PDXK: variants seen among roughly 807,000 people sequenced by gnomAD.
The protein encoded by PDXK is pyridoxal kinase.
PDXK carries 15 observed loss-of-function variants against 43.2 expected under a neutral mutation model. The ratio of observed to expected loss-of-function variants is 0.35; its 90% CI spans 0.23 to 0.53. The LOEUF (loss-of-function observed/expected upper bound fraction) is 0.53. Among genes scored for constraint, PDXK ranks in the 20% least tolerant of loss-of-function variants. PDXK has a pLI of 0.92. For missense variants in PDXK, 343 were observed against 417.0 expected (o/e 0.82, Z 1.54); for synonymous variants, 172 against 165.4 (o/e 1.04, Z -0.31).
At position 43,743,801 on chromosome 21, in the gene PDXK, G is replaced by A. The variant is rs1407620339; in HGVS notation, c.325G>A (p.Val109Met). The change falls in exon 4 of 11, where the codon GTG becomes ATG. Residue 109 changes from valine to methionine, a missense_variant. Physicochemically the swap from Val to Met is conservative, Grantham distance 21. Transcript: ENST00000291565. ...GCTGAAGCAGCAGAACCCCAGGCTG[G>A]TGTACGGTAGGCAGGGGCCCACCCT... ...QELKQQNPRL[V>M]YVCDPVLGDK... 1 of 1,611,910 alleles carries A rather than the reference G, an allele frequency of 6.2e-7. No homozygotes were observed. Among genetic ancestry groups the A allele is most frequent in the Non-Finnish European group, 8.5e-7 (1 of 1,178,232 alleles).
At position 43,725,887 on chromosome 21, in the gene PDXK, G is replaced by A. The variant is rs77420986; in HGVS notation, c.87+6506G>A. Among the ~76,000 whole-genome samples the A allele has an allele frequency of 7.9e-5, 12 of 152,252 alleles. No individual in the cohort carries two copies. In the East Asian group the frequency reaches 1.5e-3, roughly 20 times the overall value. On this transcript the variant is annotated intron_variant, in intron 1 of 10. Coordinates refer to ENST00000291565, the MANE Select transcript of PDXK (RefSeq NM_003681.5). ...GCCTCCTTCCTTCCTCCGGTGGCCC[G>A]CACTAACTTCCTTAGAGGTGATGCT...
At chr21:43,726,270 C>CTT (rs1182376121) in intron 1 of PDXK, among the ~76,000 whole-genome samples, 1,656 of 116,800 alleles carry the variant, frequency 0.014, 103 homozygotes, top group African/African-American at 0.048. Flanking sequence ...TTTTCTTTTT[C>CTT]TTTTTTTTTT....
At position 43,732,385 on chromosome 21, in the gene PDXK, G is replaced by A; in HGVS notation, c.88-1684G>A. ...TCTGGCACATGAAGTTGGATGGGTA[G>A]ACTCTGGAAGCGTCCAGACCAGCTT... On this transcript the variant is annotated intron_variant, in intron 1 of 10. Coordinates refer to ENST00000291565, the MANE Select transcript of PDXK (RefSeq NM_003681.5). The surrounding 1 kb of genome is among the most constrained non-coding windows in gnomAD (Gnocchi z 4.1). 1.2e-6 allele frequency: 2 copies of A among 1,612,520 alleles called. No homozygotes were observed. The highest frequency in any genetic ancestry group is 1.7e-6 in the Non-Finnish European group (2 of 1,179,574).
chr21:43,748,095 A>C lies in PDXK; in HGVS notation c.379-900A>C, dbSNP rs115077629. Among the ~76,000 whole-genome samples the C allele has an allele frequency of 2.0e-3, 305 of 152,180 alleles. 3 individuals carry two copies. Among genetic ancestry groups the C allele is most frequent in the African/African-American group, 7.1e-3 (294 of 41,514 alleles). ...GCAAAGTGAAGTGAAGGGATTGGAAACTCAGGCCACTCAGCCAGCAGGGGC... is the reference window on the plus strand; with the variant it reads ...GCAAAGTGAAGTGAAGGGATTGGAACCTCAGGCCACTCAGCCAGCAGGGGC... On this transcript the variant is annotated intron_variant, in intron 5 of 10. Transcript: ENST00000291565.
intron 1 of PDXK, among the ~76,000 whole-genome samples, chr21:43,733,217 A>AAAT (rs2083343603): frequency 6.6e-6 from 1 of 150,892 alleles, no homozygotes; most frequent in African/African-American, 2.4e-5. Flanking sequence ...GTGAAGAAAC[A>AAAT]AATGTGGGAA....
intron 1 of PDXK, chr21:43,719,963 T>G (rs529220746): frequency 1.0e-6 from 1 of 975,620 alleles, no homozygotes; most frequent in African/African-American, 1.8e-5. Context: ...GGGAAGAGGG[T>G]GGGGCAGGGG....
At chr21:43,750,416 G>A (rs919242239) in intron 6 of PDXK, 84 bp from the exon 7 acceptor site, 24 of 1,236,800 alleles carry the variant, frequency 1.9e-5, no homozygotes, top group Middle Eastern at 1.9e-4. Flanking sequence ...TTCCAGAGCC[G>A]CTGCGGTTTG....
chr21:43,728,689 C>G, intron 1 of PDXK: 1 of 984,256 alleles, frequency 1.0e-6, no homozygotes, highest in Non-Finnish European at 1.2e-6. Context: ...CAGCCACTCC[C>G]GCACGTGGGC....
At position 43,732,646 on chromosome 21, in the gene PDXK, C is replaced by T. The variant is rs565489332; in HGVS notation, c.88-1423C>T. The stretch of plus-strand genomic sequence containing the variant: ...TGCTTAATATCTGTTTCTTCACAGT[C>T]GGTTAGAATTTTAAAGGATTTGAAA... On this transcript the variant is annotated intron_variant, in intron 1 of 10. Coordinates refer to ENST00000291565, the MANE Select transcript of PDXK (RefSeq NM_003681.5). This position sits in a 1 kb window ranked among gnomAD's most constrained non-coding sequence, Gnocchi z 4.1. 8 of 780,290 alleles carry T rather than the reference C, an allele frequency of 1.0e-5. No homozygotes were observed. The highest frequency in any genetic ancestry group is 4.0e-5 in the South Asian group (3 of 74,562). 48.3% of individuals were successfully genotyped at this position (780,290 alleles called of 1,614,324 possible).
intron 9 of PDXK, 67 bp downstream of exon 9, chr21:43,753,786 G>C (rs1212781581): frequency 1.3e-6 from 2 of 1,508,574 alleles, no homozygotes; most frequent in Non-Finnish European, 1.8e-6. Flanking sequence ...CAGGATATGA[G>C]AGTCCTGGTG....
intron 2 of PDXK, among the ~76,000 whole-genome samples, chr21:43,740,642 C>T (rs951422205): frequency 3.3e-5 from 5 of 151,850 alleles, no homozygotes; most frequent in East Asian, 1.9e-4. Flanking sequence ...CTGGTGGTCC[C>T]GCCTGCAGGA....
At chr21:43,728,605 C>A (rs1217222854) in intron 1 of PDXK, 3 of 533,728 alleles carry the variant, frequency 5.6e-6, no homozygotes, top group Non-Finnish European at 7.2e-6. Flanking sequence ...GGCTGTCTGC[C>A]TGTCTGCCTC....
chr21:43,746,156 TGTG>T (rs751991112), intron 5 of PDXK, 31 bp downstream of exon 5: 2 of 1,568,836 alleles, frequency 1.3e-6, no homozygotes, highest in African/African-American at 2.7e-5. Flanking sequence ...GATTTAAAAG[TGTG>T]GTGAGTGGAG....
chr21:43,729,825 T>C (rs749368033), intron 1 of PDXK, among the ~76,000 whole-genome samples: 71 of 151,876 alleles, frequency 4.7e-4, no homozygotes, highest in Non-Finnish European at 7.2e-4. Context: ...ATGCCTGTAG[T>C]CCCAGCTACT....
intron 5 of PDXK, among the ~76,000 whole-genome samples, chr21:43,747,694 C>T (rs913851807): frequency 2.0e-5 from 3 of 152,194 alleles, no homozygotes; most frequent in Admixed American, 6.5e-5. Flanking sequence ...GTTTGGATCA[C>T]GAAGAGTTGG....
chr21:43,724,106 G>C (rs1200906197), intron 1 of PDXK, among the ~76,000 whole-genome samples: 1 of 152,244 alleles, frequency 6.6e-6, no homozygotes, highest in Non-Finnish European at 1.5e-5. Flanking sequence ...TCTGGGGCCT[G>C]CAGGCAGCCG....
At position 43,741,660 on chromosome 21, in the gene PDXK, C is replaced by A; in HGVS notation, c.143-7C>A. 1 of 1,610,260 alleles carries A rather than the reference C, an allele frequency of 6.2e-7. No individual in the cohort carries two copies. Among genetic ancestry groups the A allele is most frequent in the Non-Finnish European group, 8.5e-7 (1 of 1,176,914 alleles). On this transcript the variant is annotated splice_polypyrimidine_tract_variant and splice_region_variant and intron_variant, in intron 2 of 10. Transcript: ENST00000291565. ...GTCTGAGCCCCCATGGCTTCCTCTG[C>A]CTCTAGGCTATGCCCACTGGAAGGG...
chr21:43,736,251 G>A (rs572389633), intron 2 of PDXK, among the ~76,000 whole-genome samples: 6 of 152,276 alleles, frequency 3.9e-5, no homozygotes, highest in Admixed American at 2.6e-4. Context: ...CTGCATGCAC[G>A]ACGGGCCTCC....
chr21:43,742,703 C>T (rs781551590), intron 3 of PDXK, among the ~76,000 whole-genome samples: 6 of 152,024 alleles, frequency 3.9e-5, no homozygotes, highest in African/African-American at 9.7e-5. Flanking sequence ...ATAGTGAGAC[C>T]TTGTCTCTAC....
Sources: gnomAD v4.1 joint callset for allele counts (sites outside exome capture counted in the v4.1 genomes callset) on GRCh38, gnomAD v4.1.1 for gene constraint, Gnocchi (gnomAD v3.1) non-coding constraint, MANE v1.5 for transcripts, NCBI Gene and HGNC (gene_info 2026-07-23, HGNC 2026-07-21) for gene names.